The following COL4A3 variants were observed in gnomAD, a reference collection of about 807,000 sequenced individuals.
COL4A3 encodes the protein collagen alpha-3(IV) chain.
A neutral mutation model predicts 217.4 loss-of-function variants in COL4A3; 135 were observed. That is an observed-to-expected ratio of 0.62 (90% CI 0.54 to 0.72). COL4A3 has a LOEUF of 0.72. Among genes scored for constraint, COL4A3 ranks in the 30% least tolerant of loss-of-function variants. COL4A3 has a pLI of 0.00. For missense variants in COL4A3, 1,868 were observed against 2,119.9 expected, an observed-to-expected ratio of 0.88 and a Z score of 2.33; for synonymous variants, 690 against 736.3, an observed-to-expected ratio of 0.94 and a Z score of 1.02.
intron 18 of COL4A3, among the ~76,000 whole-genome samples, chr2:227,258,365 T>C (rs2070329082): frequency 1.3e-5 from 2 of 152,352 alleles, no homozygotes; most frequent in South Asian, 4.1e-4. Context: ...CTCAGTAATG[T>C]AACTCAGGAA....
At chr2:227,213,093 A>G (rs1339442308) in intron 1 of COL4A3, among the ~76,000 whole-genome samples, 1 of 152,228 alleles carries the variant, frequency 6.6e-6, no homozygotes, top group African/African-American at 2.4e-5. Context: ...TCCTGACCCA[A>G]CTTGGCTTCC....
rs1408007461 is a variant in COL4A3 at position 227,202,927 on chromosome 2, ATATATGTG to A, written c.88-35035_88-35028del. On this transcript the variant is annotated intron_variant, in intron 1 of 51. Transcript: ENST00000396578. The stretch of plus-strand genomic sequence containing the variant: ...TATGTGTATATATACATATATGTGT[ATATATGTG>A]TATATATGTGTATATATACATATAT... 9.9e-4 allele frequency among the ~76,000 whole-genome samples: 35 copies of A among 35,370 alleles called. 3 individuals are homozygous for A. The highest frequency in any genetic ancestry group is 3.5e-3 in the South Asian group (3 of 852). The allele number at this position is 35,370 out of a possible 152,430, so 23.2% of individuals were successfully genotyped here.
intron 46 of COL4A3, 84 bp downstream of exon 46, chr2:227,304,228 C>A (rs2073409346): frequency 3.2e-6 from 5 of 1,542,978 alleles, no homozygotes; most frequent in African/African-American, 1.4e-5. Flanking sequence ...ACAGCTGATA[C>A]AACTTCACAG....
In COL4A3 at chr2:227,282,163, T is replaced by A. The variant is rs1173420884; in HGVS notation, c.2489-202T>A. On this transcript the variant is annotated intron_variant, in intron 31 of 51. Coordinates refer to ENST00000396578, the MANE Select transcript of COL4A3 (RefSeq NM_000091.5). This position sits in a 1 kb window ranked among gnomAD's most constrained non-coding sequence, Gnocchi z 4.4. ...GGTGCACGCCTGTAGTCCCAGCTAT[T>A]TGGGAGGCTGACGCAGGAGAATCAC... Among the ~76,000 whole-genome samples the A allele has an allele frequency of 6.6e-6, 1 of 151,690 alleles. No individual in the cohort carries two copies. Among genetic ancestry groups the A allele is most frequent in the African/African-American group, 2.4e-5 (1 of 41,246 alleles).
chr2:227,249,230 A>ATATATATATATATATTTTTTTTTTTTT, intron 9 of COL4A3, among the ~76,000 whole-genome samples: 1 of 14,692 alleles, frequency 6.8e-5, no homozygotes, highest in Non-Finnish European at 1.2e-4. Flanking sequence ...ATATATATAT[A>ATATATATATATATATTTTTTTTTTTTT]TTTTTTTTTT....
chr2:227,178,378 T>C (rs2125662994), intron 1 of COL4A3, among the ~76,000 whole-genome samples: 1 of 152,022 alleles, frequency 6.6e-6, no homozygotes. Flanking sequence ...GTGAGATCCA[T>C]ATCAAAAAAA....
At chr2:227,209,256 G>C (rs1427375163) in intron 1 of COL4A3, among the ~76,000 whole-genome samples, 1 of 152,190 alleles carries the variant, frequency 6.6e-6, no homozygotes. Context: ...GCTGGTTCTA[G>C]ATGGTCCAAT....
chr2:227,285,277 TA>T (rs764697409), intron 34 of COL4A3, among the ~76,000 whole-genome samples: 806 of 72,344 alleles, frequency 0.011, 4 homozygotes, highest in African/African-American at 0.04. Flanking sequence ...CTGCCAAACC[TA>T]AAAAAAAAAA....
At chr2:227,252,068 CAA>C (rs796320850) in intron 11 of COL4A3, among the ~76,000 whole-genome samples, 11 of 34,838 alleles carry the variant, frequency 3.2e-4, no homozygotes, top group African/African-American at 7.6e-4. Context: ...GGCACCATCT[CAA>C]AAAAAAAAAA....
rs2073840621 is a variant in COL4A3 at position 227,314,538 on chromosome 2, A to C, written c.*2668A>C. 6.6e-6 allele frequency: 1 copy of C among 152,630 alleles called. No individual in the cohort carries two copies. The highest frequency in any genetic ancestry group is 1.9e-4 in the East Asian group (1 of 5,202). 9.5% of individuals were successfully genotyped at this position (152,630 alleles called of 1,614,324 possible). A position where few individuals can be genotyped will look rare whatever the true frequency, so the allele number is the denominator to read the frequency against. On this transcript the variant is annotated 3_prime_UTR_variant, in exon 52 of 52. Transcript: ENST00000396578. ...CATTATTAAGTAACTTATTTATGAA[A>C]GTATTAAAATGCTTACATTTGAACT...
rs574686134 is a variant in COL4A3 at position 227,177,678 on chromosome 2, G to A, written c.87+12865G>A. Among the ~76,000 whole-genome samples the A allele has an allele frequency of 1.8e-4, 27 of 152,168 alleles. 1 individual carries two copies. The South Asian group carries it at 4.1e-3, about 23-fold the overall frequency. The stretch of plus-strand genomic sequence containing the variant: ...TCAGTAGAAAATTTCAGAAATAAAC[G>A]ATTCATAAGTTTTAAATTGTGCACC... On this transcript the variant is annotated intron_variant, in intron 1 of 51. Transcript: ENST00000396578.
intron 2 of COL4A3, among the ~76,000 whole-genome samples, chr2:227,238,683 C>T (rs1451742855): frequency 6.6e-6 from 1 of 152,096 alleles, no homozygotes; most frequent in African/African-American, 2.4e-5. Flanking sequence ...TGAAGGATGA[C>T]TATTTTAAAA....
intron 9 of COL4A3, 133 bp from the exon 10 acceptor site, chr2:227,251,006 GC>G: frequency 1.4e-6 from 1 of 737,758 alleles, no homozygotes; most frequent in South Asian, 1.6e-5. Context: ...GTTATCATTA[GC>G]TGCAGCCACT....
rs1309236467 is a variant in COL4A3 at position 227,282,559 on chromosome 2, C to A, written c.2656+27C>A. 3 of 1,601,602 alleles carry A rather than the reference C, an allele frequency of 1.9e-6. No homozygotes were observed. Among genetic ancestry groups the A allele is most frequent in the Admixed American group, 1.7e-5 (1 of 59,924 alleles). On this transcript the variant is annotated intron_variant, in intron 32 of 51. Transcript: ENST00000396578. The surrounding 1 kb of genome is among the most constrained non-coding windows in gnomAD (Gnocchi z 4.4). Reference sequence around the variant, plus strand: ...TATCCTTTTGTGTGTTTCTATTTTTCTTCTTATTTCTTCTTCTTCTTAAGG... The same window carrying A: ...TATCCTTTTGTGTGTTTCTATTTTTATTCTTATTTCTTCTTCTTCTTAAGG...
At chr2:227,305,147 CGAGTGGGTGACTATAT>C in intron 47 of COL4A3, 64 bp downstream of exon 47, 1 of 1,410,584 alleles carries the variant, frequency 7.1e-7, no homozygotes, top group South Asian at 1.2e-5. Flanking sequence ...AAGTCTTGTT[CGAGTGGGTGACTATAT>C]GAGTTATCTA....
At chr2:227,173,627 G>A (rs2065571190) in intron 1 of COL4A3, among the ~76,000 whole-genome samples, 1 of 152,110 alleles carries the variant, frequency 6.6e-6, no homozygotes, top group South Asian at 2.1e-4. Flanking sequence ...AATATAATGT[G>A]AGCCATGACT....
intron 17 of COL4A3, 133 bp from the exon 18 acceptor site, chr2:227,257,470 C>A: frequency 1.3e-6 from 1 of 767,046 alleles, no homozygotes; most frequent in South Asian, 1.5e-5. Context: ...GTCAGTGTCT[C>A]TTTAACTTTA....
chr2:227,268,894 A>T (rs1353245434), intron 23 of COL4A3: 1 of 152,236 alleles, frequency 6.6e-6, no homozygotes, highest in Non-Finnish European at 1.5e-5. Context: ...CAAGGGGAGC[A>T]GGTGAGCAGC....
At chr2:227,299,162 G>A (rs1476845526) in intron 43 of COL4A3, among the ~76,000 whole-genome samples, 3 of 152,180 alleles carry the variant, frequency 2.0e-5, no homozygotes, top group Admixed American at 6.5e-5. Flanking sequence ...TTGGGAGGCC[G>A]AGGCGGGCGG....
Sources: gnomAD v4.1 joint callset for allele counts (sites outside exome capture counted in the v4.1 genomes callset) on GRCh38, gnomAD v4.1.1 for gene constraint, Gnocchi (gnomAD v3.1) non-coding constraint, MANE v1.5 for transcripts, NCBI Gene and HGNC (gene_info 2026-07-23, HGNC 2026-07-21) for gene names.